Variants in DNAH11 observed in about 807,000 individuals in gnomAD.
The protein encoded by DNAH11 is axonemal beta dynein heavy chain 11.
DNAH11 carries 442 observed loss-of-function variants against 526.0 expected under a neutral mutation model. That is an observed-to-expected ratio of 0.84 (90% CI 0.78 to 0.91). The LOEUF is 0.91. Ranked by LOEUF, DNAH11 falls within the 40% of genes least tolerant of loss-of-function variation. The probability of loss-of-function intolerance (pLI) is 0.00; values close to 1 mark genes in which losing one functional copy is unlikely to be tolerated. For missense variants in DNAH11, 6,989 were observed against 5,448.7 expected, an observed-to-expected ratio of 1.28 and a Z score of -8.90; for synonymous variants, 2,461 against 1,935.9, an observed-to-expected ratio of 1.27 and a Z score of -7.12.
In DNAH11 at chr7:21,587,795, AAAT is replaced by A. The variant is rs1784525053; in HGVS notation, c.1711-264_1711-262del. Among the ~76,000 whole-genome samples the A allele has an allele frequency of 3.9e-5, 6 of 152,308 alleles. No homozygotes were observed. The South Asian group carries it at 1.0e-3, about 26-fold the overall frequency. ...AAAATGTTACCTGGAACCCAACAGG[AAAT>A]AATATTAGCTGTGAACGGAAATTGC... On this transcript the variant is annotated intron_variant, in intron 9 of 81. Coordinates refer to ENST00000409508, the MANE Select transcript of DNAH11 (RefSeq NM_001277115.2).
chr7:21,887,848 A>G (rs1294547215), intron 76 of DNAH11, among the ~76,000 whole-genome samples: 4 of 152,176 alleles, frequency 2.6e-5, no homozygotes, highest in African/African-American at 7.2e-5. Context: ...TTTAATCAAA[A>G]AAGAACCTCA....
chr7:21,750,190 CT>C, intron 53 of DNAH11, 31 bp from the exon 54 acceptor site: 1 of 1,547,652 alleles, frequency 6.5e-7, no homozygotes, highest in Non-Finnish European at 8.7e-7. Flanking sequence ...TTGCAATGAT[CT>C]TTTAGTAATT....
Position 21,854,512 on chromosome 7 carries a change from G to A in DNAH11, c.11202+57G>A, listed in dbSNP as rs1583776153. ...ACTTTAGGAGTTCAATTTGTTTCTGGAACATTGGAATTTATTTTATTATTG... is the reference window on the plus strand; with the variant it reads ...ACTTTAGGAGTTCAATTTGTTTCTGAAACATTGGAATTTATTTTATTATTG... On this transcript the variant is annotated intron_variant, in intron 68 of 81. Transcript: ENST00000409508. The A allele has an allele frequency of 8.0e-6, 12 of 1,496,590 alleles. No homozygotes were observed. In the East Asian group the frequency reaches 2.3e-4, roughly 29 times the overall value. 92.7% of individuals were successfully genotyped at this position (1,496,590 alleles called of 1,614,324 possible).
chr7:21,794,588 G>C (rs117848611), intron 61 of DNAH11, among the ~76,000 whole-genome samples: 1 of 152,144 alleles, frequency 6.6e-6, no homozygotes, highest in Non-Finnish European at 1.5e-5. Context: ...GCTAGCTGGG[G>C]GTTTGTGCCC....
chr7:21,838,919 C>T (rs1275058108), intron 65 of DNAH11, among the ~76,000 whole-genome samples: 2 of 151,986 alleles, frequency 1.3e-5, no homozygotes, highest in African/African-American at 4.8e-5. Flanking sequence ...GGCCAAACCG[C>T]TTGCCAATGT....
intron 65 of DNAH11, among the ~76,000 whole-genome samples, chr7:21,826,489 A>G (rs1790305647): frequency 1.3e-5 from 2 of 152,234 alleles, no homozygotes; most frequent in African/African-American, 4.8e-5. Context: ...TTGCAGTGTT[A>G]TAACAAGAAC....
At chr7:21,844,939 G>T (rs1310013865) in intron 66 of DNAH11, among the ~76,000 whole-genome samples, 1 of 152,220 alleles carries the variant, frequency 6.6e-6, no homozygotes, top group Non-Finnish European at 1.5e-5. Flanking sequence ...CAACATGCCA[G>T]GAGTGAGTCA....
At chr7:21,748,472 G>A in intron 51 of DNAH11, 108 bp from the exon 52 acceptor site, 1 of 1,233,084 alleles carries the variant, frequency 8.1e-7, no homozygotes, top group Non-Finnish European at 1.0e-6. Context: ...CTGGGCAACA[G>A]AGCAAGTCTC....
chr7:21,571,028 C>A (rs1001791078), intron 7 of DNAH11, among the ~76,000 whole-genome samples: 1 of 152,108 alleles, frequency 6.6e-6, no homozygotes, highest in African/African-American at 2.4e-5. Flanking sequence ...CTCGTAATCA[C>A]TTAAATGAGC....
chr7:21,726,218 G>A (rs961097725), intron 45 of DNAH11, among the ~76,000 whole-genome samples: 1 of 152,038 alleles, frequency 6.6e-6, no homozygotes, highest in East Asian at 1.9e-4. Context: ...AGAGTGAGGG[G>A]GGAGGTGCTG....
intron 48 of DNAH11, among the ~76,000 whole-genome samples, chr7:21,741,012 G>A (rs1261665926): frequency 1.3e-5 from 2 of 152,040 alleles, no homozygotes; most frequent in Admixed American, 1.3e-4. Flanking sequence ...GTTCATTTTT[G>A]TATCTTCTTC....
At position 21,558,920 on chromosome 7, in the gene DNAH11, A is replaced by C. The variant is rs1191648988; in HGVS notation, c.614A>C (p.Lys205Thr). 6.3e-7 allele frequency: 1 copy of C among 1,599,340 alleles called. No homozygotes were observed. Among genetic ancestry groups the C allele is most frequent in the Admixed American group, 1.7e-5 (1 of 57,948 alleles). The stretch of plus-strand genomic sequence containing the variant: ...AAGAAGATGTATATTTTTAGGGGCA[A>C]AATGTCTAGAAGAACTCTTCTACCA... Reference protein sequence around the residue: ...MKKKMYIFRGKMSRRTLLPIP... With the variant: ...MKKKMYIFRGTMSRRTLLPIP... The change falls in exon 3 of 82, where the codon AAA (lysine) becomes ACA (threonine). Residue 205 changes from lysine (K) to threonine (T), a missense_variant. Coordinates refer to ENST00000409508, the MANE Select transcript of DNAH11 (RefSeq NM_001277115.2).
intron 8 of DNAH11, 64 bp downstream of exon 8, chr7:21,572,037 A>T (rs577075359): frequency 2.0e-4 from 269 of 1,358,902 alleles, no homozygotes; most frequent in Admixed American, 1.1e-3. Context: ...GAAAAGGAAG[A>T]TAGGTCACAG....
chr7:21,755,414 A>G (rs931931365), intron 54 of DNAH11, among the ~76,000 whole-genome samples: 1 of 152,064 alleles, frequency 6.6e-6, no homozygotes, highest in Non-Finnish European at 1.5e-5. Context: ...CTTCCTGGCC[A>G]TATGATGCTG....
chr7:21,622,479 C>T (rs1234794033), intron 25 of DNAH11, among the ~76,000 whole-genome samples: 2 of 152,116 alleles, frequency 1.3e-5, no homozygotes, highest in Non-Finnish European at 2.9e-5. Context: ...CTTTAAAGTT[C>T]ATATGGCACC....
chr7:21,883,257 A>T (rs1583809460), intron 75 of DNAH11, among the ~76,000 whole-genome samples: 2 of 152,244 alleles, frequency 1.3e-5, no homozygotes, highest in East Asian at 3.8e-4. Context: ...GTTGGGAGGC[A>T]GTATACTGCC....
At chr7:21,880,452 A>G (rs1783875212) in intron 74 of DNAH11, among the ~76,000 whole-genome samples, 1 of 152,216 alleles carries the variant, frequency 6.6e-6, no homozygotes, top group Non-Finnish European at 1.5e-5. Flanking sequence ...GAACTGTCTC[A>G]TTTTCTAGTG....
At chr7:21,898,384 C>A (rs143618531) in intron 79 of DNAH11, among the ~76,000 whole-genome samples, 1 of 152,190 alleles carries the variant, frequency 6.6e-6, no homozygotes, top group East Asian at 1.9e-4. Flanking sequence ...TTCTTCTTCA[C>A]GGCCCAGAGT....
intron 28 of DNAH11, among the ~76,000 whole-genome samples, chr7:21,645,880 G>A (rs1417936305): frequency 6.6e-6 from 1 of 152,060 alleles, no homozygotes; most frequent in Non-Finnish European, 1.5e-5. Flanking sequence ...TCATAATCTT[G>A]CACTAAGCAA....
Sources: gnomAD v4.1 joint callset for allele counts (sites outside exome capture counted in the v4.1 genomes callset) on GRCh38, gnomAD v4.1.1 for gene constraint, MANE v1.5 for transcripts, NCBI Gene and HGNC (gene_info 2026-07-23, HGNC 2026-07-21) for gene names.